Variants in KCNH8 observed in about 807,000 individuals in gnomAD.
KCNH8 encodes the protein potassium voltage-gated channel subfamily H member 8, also known as voltage-gated delayed rectifier potassium channel KCNH8.
Under a neutral mutation model 103.6 loss-of-function variants are expected in KCNH8, and 70 were observed. That is an observed-to-expected ratio of 0.68 (90% CI 0.56 to 0.82). The LOEUF (loss-of-function observed/expected upper bound fraction) is 0.82, where lower values mean the gene tolerates loss of function less well. Ranked by LOEUF, KCNH8 falls within the 40% of genes least tolerant of loss-of-function variation. The pLI is 0.00. For synonymous variants in KCNH8, 498 were observed against 489.4 expected, an observed-to-expected ratio of 1.02 and a Z score of -0.23; for missense variants, 1,217 against 1,329.9, an observed-to-expected ratio of 0.92 and a Z score of 1.32.
chr3:19,503,954 ACTTT>A (rs945913754), intron 11 of KCNH8, among the ~76,000 whole-genome samples: 20 of 151,876 alleles, frequency 1.3e-4, no homozygotes, highest in East Asian at 7.9e-4. Flanking sequence ...AAAGAAAATT[ACTTT>A]CTTTAAGAAT....
chr3:19,376,295 C>T (rs2066200906), intron 5 of KCNH8, among the ~76,000 whole-genome samples: 1 of 152,224 alleles, frequency 6.6e-6, no homozygotes, highest in Non-Finnish European at 1.5e-5. Context: ...AGGATATAAT[C>T]TCGTGGTGCG....
At chr3:19,291,279 C>G (rs1335928395) in intron 3 of KCNH8, among the ~76,000 whole-genome samples, 1 of 152,164 alleles carries the variant, frequency 6.6e-6, no homozygotes, top group Non-Finnish European at 1.5e-5. Flanking sequence ...TTCTTGCCTT[C>G]TGCTAGCTTT....
intron 11 of KCNH8, among the ~76,000 whole-genome samples, chr3:19,472,924 G>GT (rs1160388640): frequency 6.6e-6 from 1 of 152,106 alleles, no homozygotes; most frequent in East Asian, 1.9e-4. Flanking sequence ...CTACATAGAG[G>GT]TAAGAATGTC....
intron 11 of KCNH8, among the ~76,000 whole-genome samples, chr3:19,488,390 A>T (rs1269228942): frequency 1.3e-5 from 2 of 152,120 alleles, no homozygotes; most frequent in African/African-American, 4.8e-5. Context: ...ACAAACAAAC[A>T]CTTGATTGGC....
chr3:19,370,387 G>A (rs189919141), intron 5 of KCNH8, among the ~76,000 whole-genome samples: 340 of 152,106 alleles, frequency 2.2e-3, no homozygotes, highest in African/African-American at 6.9e-3. Context: ...TATTAGTTTC[G>A]TTTTAATTAA....
At chr3:19,335,290 T>C (rs1339530809) in intron 3 of KCNH8, among the ~76,000 whole-genome samples, 1 of 151,740 alleles carries the variant, frequency 6.6e-6, no homozygotes, top group African/African-American at 2.4e-5. Context: ...TTATATTGAT[T>C]CCCTAAAAGG....
At chr3:19,498,537 A>G (rs761538194) in intron 11 of KCNH8, among the ~76,000 whole-genome samples, 4 of 152,138 alleles carry the variant, frequency 2.6e-5, no homozygotes, top group Non-Finnish European at 4.4e-5. Context: ...TTCTTGGTGG[A>G]AAATTATTTT....
chr3:19,323,316 G>T (rs756787473), intron 3 of KCNH8, among the ~76,000 whole-genome samples: 1 of 152,022 alleles, frequency 6.6e-6, no homozygotes, highest in African/African-American at 2.4e-5. Context: ...GGGCGTGGTG[G>T]TGGGCACCTG....
chr3:19,484,655 G>A (rs2068166275), intron 11 of KCNH8, among the ~76,000 whole-genome samples: 1 of 152,004 alleles, frequency 6.6e-6, no homozygotes, highest in Admixed American at 6.5e-5. Context: ...CCGTGGGGGT[G>A]GTCAGGATGA....
At chr3:19,201,254 A>AAAAAAAAAAAAAAAAAAG (rs1559419872) in intron 1 of KCNH8, among the ~76,000 whole-genome samples, 4 of 143,408 alleles carry the variant, frequency 2.8e-5, no homozygotes, top group Non-Finnish European at 6.2e-5. Context: ...AAAAAAAAAA[A>AAAAAAAAAAAAAAAAAAG]AAAAAAAAGA....
intron 3 of KCNH8, among the ~76,000 whole-genome samples, chr3:19,320,068 T>C (rs2065329423): frequency 6.6e-6 from 1 of 152,040 alleles, no homozygotes. Flanking sequence ...GATGAATCTT[T>C]GGGGTTTTCT....
At chr3:19,458,767 G>C (rs944281490) in intron 11 of KCNH8, among the ~76,000 whole-genome samples, 1 of 151,866 alleles carries the variant, frequency 6.6e-6, no homozygotes, top group African/African-American at 2.4e-5. Context: ...TGCAGCCCCA[G>C]CTCATGGTAA....
chr3:19,277,383 G>A (rs1218889582), intron 2 of KCNH8, among the ~76,000 whole-genome samples: 1 of 151,950 alleles, frequency 6.6e-6, no homozygotes, highest in Non-Finnish European at 1.5e-5. Context: ...GGAAACATAG[G>A]GAGATCCCCA....
chr3:19,504,721 TTGG>T (rs902974484), intron 11 of KCNH8, among the ~76,000 whole-genome samples: 42 of 152,122 alleles, frequency 2.8e-4, no homozygotes, highest in African/African-American at 9.2e-4. Context: ...GAATGCACTG[TTGG>T]TGGGAGTGTA....
At chr3:19,238,682 C>T (rs963423007) in intron 1 of KCNH8, among the ~76,000 whole-genome samples, 9 of 151,844 alleles carry the variant, frequency 5.9e-5, no homozygotes, top group Non-Finnish European at 8.8e-5. Context: ...TAAAGTAGAC[C>T]GAAAAAAATA....
At chr3:19,318,149 T>A (rs2065299637) in intron 3 of KCNH8, among the ~76,000 whole-genome samples, 1 of 151,936 alleles carries the variant, frequency 6.6e-6, no homozygotes, top group Admixed American at 6.6e-5. Flanking sequence ...AAAACAAATG[T>A]GCAAAAGTTG....
chr3:19,521,881 T>C (rs2125248434), intron 15 of KCNH8, among the ~76,000 whole-genome samples: 1 of 151,972 alleles, frequency 6.6e-6, no homozygotes, highest in East Asian at 1.9e-4. Context: ...GATATTACAA[T>C]AAACATATAA....
At chr3:19,300,194 A>G (rs1351488426) in intron 3 of KCNH8, among the ~76,000 whole-genome samples, 2 of 152,030 alleles carry the variant, frequency 1.3e-5, no homozygotes, top group African/African-American at 4.8e-5. Flanking sequence ...GGTTGCAGTG[A>G]GCCAAGATTG....
chr3:19,353,167 T>C (rs1396683818), intron 5 of KCNH8, among the ~76,000 whole-genome samples: 1 of 151,898 alleles, frequency 6.6e-6, no homozygotes, highest in Non-Finnish European at 1.5e-5. Context: ...ACATACACCC[T>C]CCCAAGGCTA....
Sources: gnomAD v4.1 joint callset for allele counts (sites outside exome capture counted in the v4.1 genomes callset) on GRCh38, gnomAD v4.1.1 for gene constraint, MANE v1.5 for transcripts, NCBI Gene and HGNC (gene_info 2026-07-23, HGNC 2026-07-21) for gene names.